The following RPE variants were observed in gnomAD, a reference collection of about 807,000 sequenced individuals.
The protein encoded by RPE is ribulose-phosphate 3-epimerase.
Under a neutral mutation model 24.6 loss-of-function variants are expected in RPE, and 16 were observed. That is an observed-to-expected ratio of 0.65 (90% confidence interval 0.44 to 0.99). The LOEUF (loss-of-function observed/expected upper bound fraction) is 0.99. Among genes scored for constraint, RPE ranks in the 50% least tolerant of loss-of-function variants. The pLI is 0.00. For missense variants in RPE, 240 were observed against 294.5 expected (o/e 0.81, Z 1.35); for synonymous variants, 93 against 98.4 (o/e 0.94, Z 0.33).
At position 210,017,902 on chromosome 2, in the gene RPE, G is replaced by C. The variant is rs1250728679; in HGVS notation, c.564+343G>C. ...TGGGATTACAGGTACCTGCCACCAT[G>C]CTTGGCTAATTTTTTTATTTTTAGT... On this transcript the variant is annotated intron_variant, in intron 5 of 5. Transcript: ENST00000359429. The C allele has an allele frequency of 7.4e-6, 4 of 539,504 alleles. No homozygotes were observed. The Admixed American group carries it at 9.9e-5, about 13-fold the overall frequency. The allele number at this position is 539,504 out of a possible 1,614,324, so 33.4% of individuals were successfully genotyped here. A position where few individuals can be genotyped will look rare whatever the true frequency, so the allele number is the denominator to read the frequency against.
At chr2:210,013,735 A>G (rs959402343) in intron 2 of RPE, among the ~76,000 whole-genome samples, 3 of 152,198 alleles carry the variant, frequency 2.0e-5, no homozygotes, top group Admixed American at 2.0e-4. Flanking sequence ...GGGCTCAAGC[A>G]ATCCACTTGC....
At chr2:210,015,613 A>C (rs2093760483) in intron 2 of RPE, among the ~76,000 whole-genome samples, 1 of 152,222 alleles carries the variant, frequency 6.6e-6, no homozygotes, top group Non-Finnish European at 1.5e-5. Flanking sequence ...GAAAAGGATC[A>C]CTTAATTTTT....
rs2093817431 is a variant in RPE at position 210,018,957 on chromosome 2, TGG to T, written c.565-711_565-710del. On this transcript the variant is annotated intron_variant, in intron 5 of 5. Transcript: ENST00000359429. ...GTCTGGAAAAATTTTCCTCAGCCTG[TGG>T]TTCTCCCACTTCTCCCTCTTTGTTC... Among the ~76,000 whole-genome samples, 4 of 152,200 alleles carry T rather than the reference TGG, an allele frequency of 2.6e-5. 1 individual carries two copies. The South Asian group carries it at 8.3e-4, about 32-fold the overall frequency.
At position 210,020,603 on chromosome 2, in the gene RPE, G is replaced by A. The variant is rs2093843037; in HGVS notation, c.*812G>A. ...TACATTAAATGTAATTATAGCAACT[G>A]TGGGGTTCTGTTGAGAATTAAGAGC... On this transcript the variant is annotated 3_prime_UTR_variant, in exon 6 of 6. Transcript: ENST00000359429. 6.0e-6 allele frequency: 1 copy of A among 166,766 alleles called. No individual in the cohort carries two copies. The highest frequency in any genetic ancestry group is 2.1e-4 in the South Asian group (1 of 4,828). The allele number at this position is 166,766 out of a possible 1,614,324, so 10.3% of individuals were successfully genotyped here. A position where few individuals can be genotyped will look rare whatever the true frequency, so the allele number is the denominator to read the frequency against.
chr2:210,014,350 A>T (rs1167897467), intron 2 of RPE, among the ~76,000 whole-genome samples: 1 of 152,094 alleles, frequency 6.6e-6, no homozygotes, highest in African/African-American at 2.4e-5. Flanking sequence ...TGGCCTCCCA[A>T]AGTGCTGGGG....
chr2:210,004,527 G>C (rs895918573), intron 1 of RPE, among the ~76,000 whole-genome samples: 1 of 152,202 alleles, frequency 6.6e-6, no homozygotes, highest in African/African-American at 2.4e-5. Flanking sequence ...AATGCTTTCT[G>C]TGGTTCCTAG....
intron 2 of RPE, among the ~76,000 whole-genome samples, chr2:210,010,643 G>A (rs2093687451): frequency 6.6e-6 from 1 of 152,108 alleles, no homozygotes; most frequent in African/African-American, 2.4e-5. Context: ...CCAGTTTTAT[G>A]AAGGACTCTG....
intron 5 of RPE, 43 bp downstream of exon 5, chr2:210,017,602 A>T: frequency 6.4e-7 from 1 of 1,567,302 alleles, no homozygotes; most frequent in Non-Finnish European, 8.8e-7. Flanking sequence ...TTTCCCGTCA[A>T]ATATGTCTCC....
chr2:210,006,573 T>C (rs942301572), intron 1 of RPE, among the ~76,000 whole-genome samples: 2 of 152,142 alleles, frequency 1.3e-5, no homozygotes, highest in Non-Finnish European at 2.9e-5. Flanking sequence ...TTTTTTTTGG[T>C]TCTTTTATTT....
In RPE at chr2:210,021,145, AAT is replaced by A. The variant is rs1210424042; in HGVS notation, c.*1357_*1358del. 16 of 152,252 alleles carry A rather than the reference AAT, an allele frequency of 1.1e-4. No homozygotes were observed. The highest frequency in any genetic ancestry group is 9.6e-5 in the African/African-American group (4 of 41,576). The allele number at this position is 152,252 out of a possible 1,614,324, so 9.4% of individuals were successfully genotyped here. On this transcript the variant is annotated 3_prime_UTR_variant, in exon 6 of 6. Transcript: ENST00000359429. ...TGTTCTGAATTATACAGAGTCTAAA[AAT>A]ATGTGTCAGCTACTTCATTCCTGTA...
rs2093789672 is a variant in RPE at position 210,017,514 on chromosome 2, G to A, written c.519G>A (p.Glu173=). ...CCCAGTTCCCATCTTTGGATATAGA[G>A]GTCGATGGTGGAGTAGGTCCTGACA... The part of the protein sequence containing the change: ...LRTQFPSLDI[E]VDGGVGPDTV... The change falls in exon 5 of 6, where the codon GAG becomes GAA. Residue 173 remains glutamate, a synonymous_variant. Transcript: ENST00000359429. The A allele has an allele frequency of 2.5e-6, 4 of 1,577,856 alleles. No homozygotes were observed. Among genetic ancestry groups the A allele is most frequent in the Non-Finnish European group, 3.5e-6 (4 of 1,158,526 alleles).
intron 2 of RPE, among the ~76,000 whole-genome samples, chr2:210,010,937 T>A (rs1004354905): frequency 5.9e-5 from 9 of 152,092 alleles, no homozygotes; most frequent in South Asian, 2.1e-4. Flanking sequence ...AAATTTTTTT[T>A]AAATTAAATA....
At chr2:210,014,513 C>T (rs1053539055) in intron 2 of RPE, among the ~76,000 whole-genome samples, 2 of 151,908 alleles carry the variant, frequency 1.3e-5, no homozygotes, top group African/African-American at 4.8e-5. Flanking sequence ...CTAATTTAGG[C>T]CGGGTGTGGT....
intron 1 of RPE, among the ~76,000 whole-genome samples, chr2:210,007,895 G>A (rs2093650953): frequency 6.6e-6 from 1 of 152,104 alleles, no homozygotes; most frequent in Admixed American, 6.6e-5. Context: ...CCATTCTGTG[G>A]CTCTTCCATT....
chr2:210,017,422 C>CCCCCCCCAA, intron 4 of RPE, 51 bp from the exon 5 acceptor site: 1 of 1,017,182 alleles, frequency 9.8e-7, no homozygotes, highest in Non-Finnish European at 1.5e-6. Context: ...CCCCCACCCC[C>CCCCCCCCAA]ACCAACATAC....
At chr2:210,015,170 T>C (rs1014099523) in intron 2 of RPE, among the ~76,000 whole-genome samples, 6 of 152,214 alleles carry the variant, frequency 3.9e-5, no homozygotes, top group Admixed American at 6.5e-5. Context: ...CTCTCATCTA[T>C]CTATCCATGG....
rs533525701 is a variant in RPE, at chr2:210,007,580, C to T, written c.123-2077C>T. Among the ~76,000 whole-genome samples the T allele has an allele frequency of 2.0e-5, 3 of 152,316 alleles. No individual in the cohort carries two copies. The East Asian group carries it at 5.8e-4, about 29-fold the overall frequency. On this transcript the variant is annotated intron_variant, in intron 1 of 5. Transcript: ENST00000359429. ...TTACACTAGCCAAAGTTGGTCAATA[C>T]CACTCTCCACGTCTTTGACTGTAAC... is the stretch of plus-strand genomic sequence containing the variant.
chr2:210,007,361 TTA>T (rs1366162450), intron 1 of RPE, among the ~76,000 whole-genome samples: 1 of 152,228 alleles, frequency 6.6e-6, no homozygotes, highest in East Asian at 1.9e-4. Flanking sequence ...CTTGTCATTC[TTA>T]GTGTTCCTTG....
In RPE at chr2:210,021,249, G is replaced by A. The variant is rs190079017; in HGVS notation, c.*1458G>A. Reference sequence around the variant, plus strand: ...AATAGACTTCTTGAGGCTACTATAAGTTTTGAGAAATAAGGTTCAAAAAAT... The same window carrying A: ...AATAGACTTCTTGAGGCTACTATAAATTTTGAGAAATAAGGTTCAAAAAAT... On this transcript the variant is annotated 3_prime_UTR_variant, in exon 6 of 6. Transcript: ENST00000359429. The A allele has an allele frequency of 1.1e-4, 16 of 152,172 alleles. No homozygotes were observed. Among genetic ancestry groups the A allele is most frequent in the Admixed American group, 3.9e-4 (6 of 15,280 alleles). The allele number at this position is 152,172 out of a possible 1,614,324, so 9.4% of individuals were successfully genotyped here.
Sources: allele counts gnomAD v4.1 joint callset (sites outside exome capture counted in the v4.1 genomes callset), GRCh38; gene constraint gnomAD v4.1.1; transcripts MANE v1.5; gene names NCBI Gene and HGNC (gene_info 2026-07-23, HGNC 2026-07-21).